The following NEK11 variants were observed in gnomAD, a reference collection of about 807,000 sequenced individuals.
NEK11 encodes the protein serine/threonine-protein kinase Nek11.
In NEK11, 72 loss-of-function variants were observed where a neutral mutation model predicts 80.7. The observed-to-expected ratio is 0.89, with a 90% CI of 0.74 to 1.08. The LOEUF is 1.08. Among genes scored for constraint, NEK11 ranks in the 50% least tolerant of loss-of-function variants. The pLI, the probability that NEK11 is intolerant of heterozygous loss-of-function variation, is 0.00. For synonymous variants in NEK11, 251 were observed against 260.7 expected (o/e 0.96, Z 0.36); for missense variants, 764 against 763.6 (o/e 1.00, Z -0.01).
rs566523585 is a variant in NEK11 at position 131,048,299 on chromosome 3, C to T, written c.170+18421C>T. Among the ~76,000 whole-genome samples the T allele has an allele frequency of 9.8e-5, 15 of 152,316 alleles. 1 individual carries two copies. In the South Asian group the frequency reaches 3.1e-3, roughly 32 times the overall value. On this transcript the variant is annotated intron_variant, in intron 3 of 17. Transcript: ENST00000383366. The stretch of plus-strand genomic sequence containing the variant: ...TGCACTCCCTATTCGCCCCCTCCCC[C>T]AGGTTCTGTCCAGGAAACTGCGTTT...
At chr3:131,281,581 G>A (rs897996508) in intron 17 of NEK11, among the ~76,000 whole-genome samples, 1 of 152,150 alleles carries the variant, frequency 6.6e-6, no homozygotes, top group Non-Finnish European at 1.5e-5. Context: ...CACATTCAGG[G>A]TTTTTTGTTT....
intron 3 of NEK11, among the ~76,000 whole-genome samples, chr3:131,034,540 C>T (rs2065343937): frequency 6.6e-6 from 1 of 152,180 alleles, no homozygotes; most frequent in South Asian, 2.1e-4. Flanking sequence ...GCTGGGACTA[C>T]AGGCGCCCGC....
At chr3:131,334,795 T>C (rs959189239) in intron 17 of NEK11, among the ~76,000 whole-genome samples, 1 of 152,284 alleles carries the variant, frequency 6.6e-6, no homozygotes, top group African/African-American at 2.4e-5. Context: ...ATATCACCAC[T>C]GATCCCACAG....
At chr3:131,273,388 T>G (rs2096235556) in intron 16 of NEK11, 90 bp from the exon 17 acceptor site, 1 of 890,218 alleles carries the variant, frequency 1.1e-6, no homozygotes, top group Non-Finnish European at 1.8e-6. Flanking sequence ...CAAAGGTGGA[T>G]TAGCTTCTGT....
chr3:131,306,623 T>C (rs915939361), intron 17 of NEK11, among the ~76,000 whole-genome samples: 8 of 152,210 alleles, frequency 5.3e-5, no homozygotes, highest in African/African-American at 1.7e-4. Flanking sequence ...GATTAGTAGA[T>C]TAGGCTCTGG....
intron 17 of NEK11, among the ~76,000 whole-genome samples, chr3:131,307,717 A>G: frequency 6.6e-6 from 1 of 152,236 alleles, no homozygotes; most frequent in South Asian, 2.1e-4. Context: ...ATGTGCTGCC[A>G]GTTCTTCAGG....
rs184595265 is a variant in NEK11 at position 131,349,079 on chromosome 3, C to G, written c.1719-478C>G. Among the ~76,000 whole-genome samples the G allele has an allele frequency of 6.4e-4, 97 of 152,252 alleles. No individual in the cohort carries two copies. In the East Asian group the frequency reaches 0.017, roughly 26 times the overall value. On this transcript the variant is annotated intron_variant, in intron 17 of 17. Coordinates refer to ENST00000383366, the MANE Select transcript of NEK11 (RefSeq NM_024800.5). ...TGTTATTTTTCCAATATGTTTTAGC[C>G]TTAGGGCCAAAATTCTTTTGCCCCT...
chr3:131,154,898 G>A, intron 9 of NEK11, 138 bp from the exon 10 acceptor site: 1 of 577,482 alleles, frequency 1.7e-6, no homozygotes, highest in East Asian at 2.8e-5. Context: ...ATAACCCAGG[G>A]AAAACTAGCA....
chr3:131,210,940 G>C (rs1186530151), intron 14 of NEK11, among the ~76,000 whole-genome samples: 1 of 152,192 alleles, frequency 6.6e-6, no homozygotes, highest in African/African-American at 2.4e-5. Context: ...TTGCCAGTCT[G>C]TGTCTTTTAA....
chr3:131,207,552 C>T (rs957641517), intron 14 of NEK11, among the ~76,000 whole-genome samples: 5 of 152,014 alleles, frequency 3.3e-5, no homozygotes, highest in African/African-American at 1.2e-4. Context: ...GCACTCCAGC[C>T]TGGGTGAAAG....
intron 10 of NEK11, among the ~76,000 whole-genome samples, chr3:131,158,914 C>G (rs574124912): frequency 6.6e-6 from 1 of 152,306 alleles, no homozygotes; most frequent in South Asian, 2.1e-4. Flanking sequence ...TCCAGGAGCA[C>G]ATAGGCCCCC....
intron 14 of NEK11, among the ~76,000 whole-genome samples, chr3:131,186,599 C>A (rs2093612050): frequency 6.6e-6 from 1 of 152,166 alleles, no homozygotes; most frequent in South Asian, 2.1e-4. Flanking sequence ...CGCTCCTTTG[C>A]CAGCCGTTTA....
At chr3:131,118,764 G>A (rs1473648790) in intron 5 of NEK11, among the ~76,000 whole-genome samples, 2 of 152,152 alleles carry the variant, frequency 1.3e-5, no homozygotes, top group Non-Finnish European at 2.9e-5. Flanking sequence ...TTGAGTAGAG[G>A]TGTTTATAGT....
intron 3 of NEK11, among the ~76,000 whole-genome samples, chr3:131,042,432 G>T (rs2066657459): frequency 1.3e-5 from 2 of 152,262 alleles, no homozygotes; most frequent in South Asian, 2.1e-4. Flanking sequence ...GGGGGGAGGG[G>T]TGTTCACCAT....
chr3:131,313,152 G>T (rs559201672), intron 17 of NEK11, among the ~76,000 whole-genome samples: 3 of 152,110 alleles, frequency 2.0e-5, no homozygotes, highest in Admixed American at 1.3e-4. Flanking sequence ...CAAAGGACAT[G>T]ATCTCACTTT....
intron 7 of NEK11, among the ~76,000 whole-genome samples, chr3:131,139,229 TC>T (rs2086296326): frequency 6.6e-6 from 1 of 150,772 alleles, no homozygotes; most frequent in Non-Finnish European, 1.5e-5. Flanking sequence ...ACTTGAGAAA[TC>T]CAATTGACTG....
chr3:131,077,478 T>C (rs1187239084), intron 3 of NEK11, among the ~76,000 whole-genome samples: 1 of 152,214 alleles, frequency 6.6e-6, no homozygotes, highest in Non-Finnish European at 1.5e-5. Flanking sequence ...TGAGATTTTA[T>C]GCTTTATCAT....
chr3:131,042,376 A>G (rs1261397153), intron 3 of NEK11, among the ~76,000 whole-genome samples: 1 of 152,124 alleles, frequency 6.6e-6, no homozygotes, highest in African/African-American at 2.4e-5. Flanking sequence ...AAATTCTCAC[A>G]GCCAGCATGG....
chr3:131,313,816 G>A (rs2096805672), intron 17 of NEK11, among the ~76,000 whole-genome samples: 1 of 152,038 alleles, frequency 6.6e-6, no homozygotes, highest in African/African-American at 2.4e-5. Context: ...GCGCAAAGTT[G>A]GAATAACAGT....
Sources: gnomAD v4.1 joint callset for allele counts (sites outside exome capture counted in the v4.1 genomes callset) on GRCh38, gnomAD v4.1.1 for gene constraint, MANE v1.5 for transcripts, NCBI Gene and HGNC (gene_info 2026-07-23, HGNC 2026-07-21) for gene names.